Variants in SH3PXD2A observed in about 807,000 individuals in gnomAD.
The protein encoded by SH3PXD2A is SH3 and PX domain-containing protein 2A.
A neutral mutation model predicts 115.2 loss-of-function variants in SH3PXD2A; 32 were observed. The ratio of observed to expected loss-of-function variants is 0.28; its 90% CI spans 0.21 to 0.37. SH3PXD2A has a LOEUF of 0.37. SH3PXD2A is among the 10% of genes least tolerant of loss of function. SH3PXD2A has a pLI of 1.00. For synonymous variants in SH3PXD2A, 610 were observed against 629.1 expected (o/e 0.97, Z 0.45); for missense variants, 1,328 against 1,498.7 (o/e 0.89, Z 1.88).
intron 5 of SH3PXD2A, among the ~76,000 whole-genome samples, chr10:103,699,735 T>C (rs187617459): frequency 1.3e-5 from 2 of 152,246 alleles, no homozygotes; most frequent in Non-Finnish European, 1.5e-5. Flanking sequence ...CAGGCCATTC[T>C]CTGCCCCCAT....
rs957947467 is a variant in SH3PXD2A, at chr10:103,602,149, G to A, written c.3069C>T (p.Ser1023=). The A allele has an allele frequency of 6.3e-6, 10 of 1,574,986 alleles. No homozygotes were observed. The highest frequency in any genetic ancestry group is 5.4e-5 in the African/African-American group (4 of 73,974). Residue 1023 remains serine, a synonymous_variant, in exon 15 of 15, where the codon TCC becomes TCT. Transcript: ENST00000369774. ...GGCGGCCCTTGGCCTCGGCGGCAGC[G>A]GAGCGAGCAGTGCTAAAGGAGGAGT... The part of the protein sequence containing the change: ...RRNSSFSTAR[S]AAAEAKGRLA...
intron 1 of SH3PXD2A, among the ~76,000 whole-genome samples, chr10:103,833,481 C>A (rs997156265): frequency 2.6e-5 from 4 of 151,466 alleles, no homozygotes; most frequent in African/African-American, 7.3e-5. Context: ...ATATTTATAT[C>A]TATATATTTA....
Position 103,596,146 on chromosome 10 carries a change from C to T in SH3PXD2A, c.*5670G>A, listed in dbSNP as rs2036128383. ...TGGGTGCACCGTGAGCAAGTTCTCA[C>T]CCCAACCACCTGACCCACCCTCTGA... On this transcript the variant is annotated 3_prime_UTR_variant, in exon 15 of 15. Transcript: ENST00000369774. 6.6e-6 allele frequency: 1 copy of T among 152,198 alleles called. No homozygotes were observed. The highest frequency in any genetic ancestry group is 1.5e-5 in the Non-Finnish European group (1 of 68,040). The allele number at this position is 152,198 out of a possible 1,614,324, so 9.4% of individuals were successfully genotyped here. A position where few individuals can be genotyped will look rare whatever the true frequency, so the allele number is the denominator to read the frequency against.
intron 6 of SH3PXD2A, among the ~76,000 whole-genome samples, chr10:103,683,350 T>C (rs1421407296): frequency 2.0e-5 from 3 of 151,844 alleles, no homozygotes; most frequent in Non-Finnish European, 4.4e-5. Context: ...CCATCTCTAC[T>C]AAAATACAAA....
At chr10:103,715,280 G>C (rs1286105352) in intron 5 of SH3PXD2A, among the ~76,000 whole-genome samples, 1 of 152,234 alleles carries the variant, frequency 6.6e-6, no homozygotes, top group African/African-American at 2.4e-5. Flanking sequence ...GCACAGATGG[G>C]GAAACAGACT....
intron 4 of SH3PXD2A, among the ~76,000 whole-genome samples, chr10:103,730,822 C>T (rs2038306940): frequency 6.6e-6 from 1 of 152,108 alleles, no homozygotes; most frequent in Non-Finnish European, 1.5e-5. Context: ...CAGAAGTTAC[C>T]CTCCTGCAGA....
At chr10:103,831,028 G>C (rs1207796466) in intron 1 of SH3PXD2A, among the ~76,000 whole-genome samples, 1 of 152,206 alleles carries the variant, frequency 6.6e-6, no homozygotes, top group Non-Finnish European at 1.5e-5. Flanking sequence ...ATACAAGACA[G>C]GTGCGAAGCA....
intron 8 of SH3PXD2A, among the ~76,000 whole-genome samples, chr10:103,649,902 G>T (rs1446160626): frequency 1.3e-5 from 2 of 152,178 alleles, no homozygotes; most frequent in African/African-American, 4.8e-5. Context: ...TGGACCTGAG[G>T]GGGGACTCAG....
chr10:103,653,207 T>A (rs2037156684), intron 8 of SH3PXD2A, among the ~76,000 whole-genome samples: 1 of 152,264 alleles, frequency 6.6e-6, no homozygotes, highest in East Asian at 1.9e-4. Context: ...CCTCTGTCAC[T>A]TCTGGATCCC....
chr10:103,779,762 G>C (rs2038914937), intron 2 of SH3PXD2A, among the ~76,000 whole-genome samples: 1 of 152,178 alleles, frequency 6.6e-6, no homozygotes, highest in Non-Finnish European at 1.5e-5. Flanking sequence ...GCCCAGATTT[G>C]AGGTGTTTTC....
At chr10:103,675,894 C>A (rs2037525647) in intron 6 of SH3PXD2A, among the ~76,000 whole-genome samples, 1 of 152,126 alleles carries the variant, frequency 6.6e-6, no homozygotes, top group African/African-American at 2.4e-5. Context: ...ATAAAATTAG[C>A]CAGGCATAGT....
intron 8 of SH3PXD2A, among the ~76,000 whole-genome samples, chr10:103,631,861 T>TAATC (rs2036784892): frequency 6.6e-6 from 1 of 152,080 alleles, no homozygotes; most frequent in Non-Finnish European, 1.5e-5. Flanking sequence ...CTCATGCCTG[T>TAATC]AATCCCAGCA....
chr10:103,717,164 C>T (rs1223712061), intron 5 of SH3PXD2A, among the ~76,000 whole-genome samples: 1 of 152,156 alleles, frequency 6.6e-6, no homozygotes, highest in African/African-American at 2.4e-5. Context: ...GACCCCTGGC[C>T]CCCTGACTCC....
chr10:103,810,707 A>G (rs2039257484), intron 1 of SH3PXD2A, among the ~76,000 whole-genome samples: 1 of 152,110 alleles, frequency 6.6e-6, no homozygotes, highest in Non-Finnish European at 1.5e-5. Flanking sequence ...AATGTGGGCT[A>G]TTTAGACACT....
chr10:103,789,530 TACACAC>T (rs72505791), intron 2 of SH3PXD2A, among the ~76,000 whole-genome samples: 362 of 145,206 alleles, frequency 2.5e-3, no homozygotes, highest in Admixed American at 4.6e-3. Flanking sequence ...TGTGTATACG[TACACAC>T]ACACACACAC....
At chr10:103,652,508 C>T (rs146970872) in intron 8 of SH3PXD2A, among the ~76,000 whole-genome samples, 123 of 152,284 alleles carry the variant, frequency 8.1e-4, no homozygotes, top group Non-Finnish European at 1.5e-3. Flanking sequence ...TTACAGAAAA[C>T]CCAACTGCTG....
chr10:103,639,116 G>A (rs957889086), intron 8 of SH3PXD2A, among the ~76,000 whole-genome samples: 7 of 152,150 alleles, frequency 4.6e-5, no homozygotes, highest in African/African-American at 7.2e-5. Flanking sequence ...TGCTGGGTGC[G>A]GCAGGGCGAC....
At position 103,597,329 on chromosome 10, in the gene SH3PXD2A, G is replaced by A. The variant is rs1381298572; in HGVS notation, c.*4487C>T. ...CTAGAAACTGAACTGAGGGCACCCA[G>A]TTTTAGAAAGATTCAAACATACACC... is the stretch of plus-strand genomic sequence containing the variant. On this transcript the variant is annotated 3_prime_UTR_variant, in exon 15 of 15. Coordinates refer to ENST00000369774, the MANE Select transcript of SH3PXD2A (RefSeq NM_001394015.1). 2.0e-5 allele frequency: 3 copies of A among 152,354 alleles called. No homozygotes were observed. Among genetic ancestry groups the A allele is most frequent in the African/African-American group, 7.2e-5 (3 of 41,468 alleles). 9.4% of individuals were successfully genotyped at this position (152,354 alleles called of 1,614,324 possible).
rs938481816 is a variant in SH3PXD2A at position 103,635,690 on chromosome 10, G to A, written c.605-8488C>T. Among the ~76,000 whole-genome samples, 4 of 152,196 alleles carry A rather than the reference G, an allele frequency of 2.6e-5. No individual in the cohort carries two copies. In the South Asian group the frequency reaches 8.3e-4, roughly 31 times the overall value. On this transcript the variant is annotated intron_variant, in intron 8 of 14. Transcript: ENST00000369774. ...CCCCTAGACCGGAGAAGTTGTTTAG[G>A]AGAATCCCAAACTGGACAATACCCC... is the stretch of plus-strand genomic sequence containing the variant.
Sources: gnomAD v4.1 joint callset for allele counts (sites outside exome capture counted in the v4.1 genomes callset) on GRCh38, gnomAD v4.1.1 for gene constraint, MANE v1.5 for transcripts, NCBI Gene and HGNC (gene_info 2026-07-23, HGNC 2026-07-21) for gene names.